CASZ1: variants seen among roughly 807,000 people sequenced by gnomAD.
CASZ1 encodes the protein castor zinc finger 1, also known as zinc finger protein castor homolog 1.
CASZ1 carries 28 observed loss-of-function variants against 135.2 expected under a neutral mutation model. The observed-to-expected ratio is 0.21, with a 90% CI of 0.15 to 0.28. The LOEUF (loss-of-function observed/expected upper bound fraction) is 0.28, where lower values mean the gene tolerates loss of function less well. CASZ1 is among the 10% of genes least tolerant of loss of function. The pLI is 1.00. For missense variants in CASZ1, 2,161 were observed against 2,453.3 expected (o/e 0.88, Z 2.52); for synonymous variants, 1,068 against 1,073.4 (o/e 0.99, Z 0.10).
rs549815991 is a variant in CASZ1, at chr1:10,684,871, G to A, written c.16+9003C>T. Among the ~76,000 whole-genome samples the A allele has an allele frequency of 1.1e-4, 17 of 152,312 alleles. No homozygotes were observed. The East Asian group carries it at 2.7e-3, about 24-fold the overall frequency. On this transcript the variant is annotated intron_variant, in intron 4 of 20. Coordinates refer to ENST00000377022, the MANE Select transcript of CASZ1 (RefSeq NM_001079843.3). Reference sequence around the variant, plus strand: ...TCCCATCTGTAGGTTTTGAAAAGCTGGTTCCCATCACTGAGAGGGACGCTG... The same window carrying A: ...TCCCATCTGTAGGTTTTGAAAAGCTAGTTCCCATCACTGAGAGGGACGCTG...
rs1553123599 is a variant in CASZ1 at position 10,640,005 on chromosome 1, A to G, written c.4217T>C (p.Ile1406Thr). 1.2e-6 allele frequency: 2 copies of G among 1,612,256 alleles called. No homozygotes were observed. Among genetic ancestry groups the G allele is most frequent in the Non-Finnish European group, 8.5e-7 (1 of 1,179,994 alleles). Residue 1406 changes from isoleucine (I) to threonine (T), a missense_variant, in exon 21 of 21, where the codon ATC becomes ACC. Around this residue, in one of 7 missense-constraint regions of CASZ1, gnomAD observed 143 missense variants for 128.3 expected, o/e 1.11. Transcript: ENST00000377022. Reference protein sequence around the residue: ...ASGAKKRFWIIEDMSPFGKRR... With the variant: ...ASGAKKRFWITEDMSPFGKRR... ...CTTGCCGAAGGGCGACATGTCCTCGATGATCCAGAAGCGCTTTTTGGCCCC... is the reference window on the plus strand; with the variant it reads ...CTTGCCGAAGGGCGACATGTCCTCGGTGATCCAGAAGCGCTTTTTGGCCCC...
At position 10,727,179 on chromosome 1, in the gene CASZ1, A is replaced by G. The variant is rs74052177; in HGVS notation, c.-76-21635T>C. ...GAAGAGGGAAAAGGGAGAGGTGGCCAGGGGTAGGGAGAGGCCCGCGACCGT... is the reference window on the plus strand; with the variant it reads ...GAAGAGGGAAAAGGGAGAGGTGGCCGGGGGTAGGGAGAGGCCCGCGACCGT... On this transcript the variant is annotated intron_variant, in intron 2 of 20. Transcript: ENST00000377022. The surrounding 1 kb of genome is among the most constrained non-coding windows in gnomAD (Gnocchi z 5.3). Among the ~76,000 whole-genome samples the G allele has an allele frequency of 4.5e-3, 679 of 152,128 alleles. 4 individuals are homozygous for G. The highest frequency in any genetic ancestry group is 0.016 in the African/African-American group (644 of 41,484).
Position 10,647,570 on chromosome 1 carries a change from G to T in CASZ1, c.3497+231C>A. On this transcript the variant is annotated intron_variant, in intron 16 of 20. Coordinates refer to ENST00000377022, the MANE Select transcript of CASZ1 (RefSeq NM_001079843.3). The surrounding 1 kb of genome is among the most constrained non-coding windows in gnomAD (Gnocchi z 4.9). ...CACCACATGCCCTGCAGGAGCAGTA[G>T]CCACTGCCGCCACCATCGGCCCACG... is the stretch of plus-strand genomic sequence containing the variant. 7.1e-7 allele frequency: 1 copy of T among 1,410,848 alleles called. No homozygotes were observed. The highest frequency in any genetic ancestry group is 9.2e-7 in the Non-Finnish European group (1 of 1,084,002). The allele number at this position is 1,410,848 out of a possible 1,614,324, so 87.4% of individuals were successfully genotyped here. A position where few individuals can be genotyped will look rare whatever the true frequency, so the allele number is the denominator to read the frequency against.
At chr1:10,668,634 C>T (rs1329693048) in intron 4 of CASZ1, among the ~76,000 whole-genome samples, 2 of 152,258 alleles carry the variant, frequency 1.3e-5, no homozygotes, top group Non-Finnish European at 2.9e-5. Context: ...CAGCCTCTGG[C>T]CCCACGGGCT....
At position 10,719,254 on chromosome 1, in the gene CASZ1, C is replaced by T. The variant is rs1212815695; in HGVS notation, c.-76-13710G>A. On this transcript the variant is annotated intron_variant, in intron 2 of 20. Transcript: ENST00000377022. This position sits in a 1 kb window ranked among gnomAD's most constrained non-coding sequence, Gnocchi z 4.0. The stretch of plus-strand genomic sequence containing the variant: ...TCTTGTAAGGGGAGAGCCTGAGGTT[C>T]GGAGAAGGGAGGTCTGCCAGCAAGG... Among the ~76,000 whole-genome samples the T allele has an allele frequency of 6.6e-6, 1 of 152,172 alleles. No individual in the cohort carries two copies. Among genetic ancestry groups the T allele is most frequent in the Non-Finnish European group, 1.5e-5 (1 of 68,024 alleles).
intron 2 of CASZ1, among the ~76,000 whole-genome samples, chr1:10,732,397 A>G (rs1411581301): frequency 6.6e-6 from 1 of 152,004 alleles, no homozygotes; most frequent in East Asian, 1.9e-4. Context: ...ATACTTTTTA[A>G]GATCATAAAG....
chr1:10,763,037 C>T (rs1009101360), intron 1 of CASZ1, among the ~76,000 whole-genome samples: 1 of 152,202 alleles, frequency 6.6e-6, no homozygotes, highest in Non-Finnish European at 1.5e-5. Context: ...CACGGTCTTC[C>T]CCATTCCTGC....
At chr1:10,772,346 T>A (rs2100595585) in intron 1 of CASZ1, among the ~76,000 whole-genome samples, 1 of 152,316 alleles carries the variant, frequency 6.6e-6, no homozygotes, top group Admixed American at 6.5e-5. Context: ...ATGCCCCCAT[T>A]GGTCTAGAGT....
intron 4 of CASZ1, among the ~76,000 whole-genome samples, chr1:10,686,428 C>T (rs937144369): frequency 1.3e-5 from 2 of 152,190 alleles, no homozygotes; most frequent in Non-Finnish European, 2.9e-5. Flanking sequence ...GTATCACGCC[C>T]CCTCTCACCT....
chr1:10,663,861 T>G (rs976302679), intron 5 of CASZ1, among the ~76,000 whole-genome samples: 1 of 152,210 alleles, frequency 6.6e-6, no homozygotes, highest in African/African-American at 2.4e-5. Context: ...TCTCCACTCC[T>G]CTGGGGGAAG....
In CASZ1 at chr1:10,711,292, CT is replaced by C. The variant is rs1639281213; in HGVS notation, c.-76-5749del. On this transcript the variant is annotated intron_variant, in intron 2 of 20. Coordinates refer to ENST00000377022, the MANE Select transcript of CASZ1 (RefSeq NM_001079843.3). This position sits in a 1 kb window ranked among gnomAD's most constrained non-coding sequence, Gnocchi z 4.4. ...TTGAAAAGTGGGGGCCCATGAGTAC[CT>C]AGCTCAAAGGAAGTTCATTCAGTAT... 6.6e-6 allele frequency among the ~76,000 whole-genome samples: 1 copy of C among 152,198 alleles called. No homozygotes were observed. The highest frequency in any genetic ancestry group is 2.4e-5 in the African/African-American group (1 of 41,442).
At chr1:10,693,998 GT>G (rs1225153596) in intron 3 of CASZ1, 86 bp from the exon 4 acceptor site, 106 of 1,342,344 alleles carry the variant, frequency 7.9e-5, no homozygotes, top group Non-Finnish European at 1.0e-4. Context: ...CGCCCTGCTT[GT>G]CCCCCGCCCC....
chr1:10,789,820 G>A (rs781369989), intron 1 of CASZ1, among the ~76,000 whole-genome samples: 3 of 152,176 alleles, frequency 2.0e-5, no homozygotes, highest in Admixed American at 6.5e-5. Context: ...ACTTTGAACA[G>A]GGGGAACAGG....
At chr1:10,681,993 G>A (rs570631692) in intron 4 of CASZ1, among the ~76,000 whole-genome samples, 9 of 152,304 alleles carry the variant, frequency 5.9e-5, no homozygotes, top group African/African-American at 2.2e-4. Context: ...GTCCCTTTCT[G>A]AATAAATCCT....
intron 1 of CASZ1, among the ~76,000 whole-genome samples, chr1:10,768,672 G>T (rs543231726): frequency 6.6e-6 from 1 of 152,320 alleles, no homozygotes; most frequent in Admixed American, 6.5e-5. Context: ...TGTGGGGGAG[G>T]GGAAGCAGAG....
rs113639165 is a variant in CASZ1 at position 10,743,500 on chromosome 1, A to G, written c.-77+17201T>C. ...ATCCTCCACGTAGAGACCTGTACTC[A>G]GGGGGATGGGCTGGGGGCCGGGGGA... is the stretch of plus-strand genomic sequence containing the variant. On this transcript the variant is annotated intron_variant, in intron 2 of 20. Transcript: ENST00000377022. Among the ~76,000 whole-genome samples the G allele has an allele frequency of 2.7e-4, 41 of 151,366 alleles. 2 individuals are homozygous for G. Among genetic ancestry groups the G allele is most frequent in the African/African-American group, 9.4e-4 (39 of 41,384 alleles).
In CASZ1 at chr1:10,660,124, T is replaced by A; in HGVS notation, c.918A>T (p.Val306=). 1 of 1,614,136 alleles carries A rather than the reference T, an allele frequency of 6.2e-7. No homozygotes were observed. The highest frequency in any genetic ancestry group is 8.5e-7 in the Non-Finnish European group (1 of 1,180,000). ...SHSSVQMQNL[V]ARASKYDFFI... ...AGAAGTCGTACTTGGAGGCCCGGGC[T>A]ACCAGGTTCTGCATCTGGACACTGC... is the stretch of plus-strand genomic sequence containing the variant. The change falls in exon 6 of 21, where the codon GTA becomes GTT. Residue 306 remains valine (V), a synonymous_variant. Coordinates refer to ENST00000377022, the MANE Select transcript of CASZ1 (RefSeq NM_001079843.3).
chr1:10,716,916 G>A (rs1388083212), intron 2 of CASZ1, among the ~76,000 whole-genome samples: 1 of 152,138 alleles, frequency 6.6e-6, no homozygotes, highest in African/African-American at 2.4e-5. Context: ...AATGACAGGC[G>A]GCTCTCTCTC....
At chr1:10,766,153 G>A (rs763968497) in intron 1 of CASZ1, among the ~76,000 whole-genome samples, 5 of 152,028 alleles carry the variant, frequency 3.3e-5, no homozygotes, top group South Asian at 2.1e-4. Flanking sequence ...ACCAAATACC[G>A]TGCGGAGGGT....
Sources: gnomAD v4.1 joint callset for allele counts (sites outside exome capture counted in the v4.1 genomes callset) on GRCh38, gnomAD v4.1.1 for gene constraint, gnomAD v4.1.1 regional missense constraint, Gnocchi (gnomAD v3.1) non-coding constraint, MANE v1.5 for transcripts, NCBI Gene and HGNC (gene_info 2026-07-23, HGNC 2026-07-21) for gene names.